The following DPH6 variants were observed in gnomAD, a reference collection of about 807,000 sequenced individuals.
DPH6 encodes the protein diphthine--ammonia ligase.
DPH6 carries 33 observed loss-of-function variants against 38.2 expected under a neutral mutation model. The ratio of observed to expected loss-of-function variants is 0.86; its 90% confidence interval spans 0.65 to 1.15. The LOEUF is 1.15. Ranked by LOEUF, DPH6 falls within the 50% of genes most tolerant of loss-of-function variation. DPH6 has a pLI of 0.00. For synonymous variants in DPH6, 108 were observed against 103.0 expected (o/e 1.05, Z -0.30); for missense variants, 325 against 320.0 (o/e 1.02, Z -0.12).
the DPH6 span, among the ~76,000 whole-genome samples, chr15:35,207,122 T>C: frequency 1.8e-3 from 264 of 144,668 alleles, no homozygotes; most frequent in Non-Finnish European, 3.3e-3. Flanking sequence ...TCATAGCTCA[T>C]TGCAGCTGTG....
chr15:35,316,392 T>C (rs190062180), intron 3 of DPH6, among the ~76,000 whole-genome samples: 3 of 152,282 alleles, frequency 2.0e-5, no homozygotes, highest in Admixed American at 2.0e-4. Flanking sequence ...GGATGAATAA[T>C]TTATAGATTC....
intron 3 of DPH6, among the ~76,000 whole-genome samples, chr15:35,308,885 G>T (rs1479665434): frequency 1.3e-5 from 2 of 152,172 alleles, no homozygotes; most frequent in Non-Finnish European, 2.9e-5. Context: ...AGTGAGAACG[G>T]ACATTCAAAG....
At chr15:35,327,728 C>A (rs942096907), downstream of DPH6, among the ~76,000 whole-genome samples, 12 of 152,184 alleles carry the variant, frequency 7.9e-5, 1 homozygote, top group Admixed American at 2.6e-4. Flanking sequence ...ACTTTGGTCT[C>A]TAACTTCTCT....
At chr15:35,390,233 C>T (rs1293968224) in intron 6 of DPH6, among the ~76,000 whole-genome samples, 3 of 152,190 alleles carry the variant, frequency 2.0e-5, no homozygotes, top group Non-Finnish European at 4.4e-5. Context: ...ATGGGCTTCC[C>T]TTTGTGGGTA....
At chr15:35,374,218 C>G (rs1277500043) in intron 7 of DPH6, among the ~76,000 whole-genome samples, 1 of 152,024 alleles carries the variant, frequency 6.6e-6, no homozygotes, top group East Asian at 1.9e-4. Context: ...CCCTGTAAAG[C>G]ACATTTGAAT....
At chr15:35,261,823 A>G (rs1365646927) in intron 3 of DPH6, among the ~76,000 whole-genome samples, 1 of 116,466 alleles carries the variant, frequency 8.6e-6, no homozygotes, top group East Asian at 2.7e-4. Flanking sequence ...ACAGAGCAAG[A>G]CCCTCTCTTA....
chr15:35,236,083 T>C (rs1246956469), intron 3 of DPH6, among the ~76,000 whole-genome samples: 2 of 152,242 alleles, frequency 1.3e-5, no homozygotes, highest in East Asian at 3.8e-4. Flanking sequence ...TTAAATTTTA[T>C]GTTCTTACTC....
At chr15:35,510,047 C>T (rs1195873005) in intron 3 of DPH6, among the ~76,000 whole-genome samples, 2 of 152,088 alleles carry the variant, frequency 1.3e-5, no homozygotes, top group Non-Finnish European at 2.9e-5. Context: ...ACGACCCTGT[C>T]TCTACAAAAA....
rs151192375 is a variant in DPH6, at chr15:35,373,602, T to C, written c.669A>G (p.Ser223=). 1.2e-5 allele frequency: 20 copies of C among 1,604,188 alleles called. No homozygotes were observed. The highest frequency in any genetic ancestry group is 2.7e-5 in the African/African-American group (2 of 74,386). Residue 223 remains serine, a synonymous_variant, in exon 8 of 9, where the codon TCA becomes TCG. Coordinates refer to ENST00000256538, the MANE Select transcript of DPH6 (RefSeq NM_080650.4). ...CAGCTGAATGTATGACTACTTCTGA[T>C]GAATCCCTGAAATACAAAAATTTTA... ...PLFKKKIIVD[S]SEVVIHSADA... is the part of the protein sequence containing the mutation.
In DPH6 at chr15:35,433,863, T is replaced by G. The variant is rs182904812; in HGVS notation, c.505+16822A>C. Among the ~76,000 whole-genome samples, 859 of 152,288 alleles carry G rather than the reference T, an allele frequency of 5.6e-3. 10 individuals carry two copies. The highest frequency in any genetic ancestry group is 0.019 in the African/African-American group (792 of 41,568). ...AAAAGCTCAACAGGCTACAATGATG[T>G]GCAGCCACAGTTGAAAACCATTGTT... On this transcript the variant is annotated intron_variant, in intron 5 of 8. Transcript: ENST00000256538.
At chr15:35,451,358 T>C (rs111269518) in intron 4 of DPH6, among the ~76,000 whole-genome samples, 2,598 of 152,260 alleles carry the variant, frequency 0.017, 82 homozygotes, top group African/African-American at 0.06. Context: ...GGTTTTGGAG[T>C]GAAGACACAT....
In DPH6 at chr15:35,492,432, T is replaced by C. The variant is rs74467055; in HGVS notation, c.313-37612A>G. On this transcript the variant is annotated intron_variant, in intron 3 of 8. Coordinates refer to ENST00000256538, the MANE Select transcript of DPH6 (RefSeq NM_080650.4). The stretch of plus-strand genomic sequence containing the variant: ...TTCAGCCATGAGAATATCTACCAGC[T>C]AACAAATGAAAACTATATATCATAT... 3.1e-3 allele frequency among the ~76,000 whole-genome samples: 473 copies of C among 152,286 alleles called. 3 individuals are homozygous for C. The East Asian group carries it at 0.035, about 11-fold the overall frequency.
intron 3 of DPH6, among the ~76,000 whole-genome samples, chr15:35,226,306 C>G (rs2051480797): frequency 6.6e-6 from 1 of 152,140 alleles, no homozygotes; most frequent in African/African-American, 2.4e-5. Context: ...GTTCTCCGAA[C>G]TGCTTTTCCC....
chr15:35,316,301 A>C (rs1015627800), intron 3 of DPH6, among the ~76,000 whole-genome samples: 2 of 152,220 alleles, frequency 1.3e-5, no homozygotes, highest in African/African-American at 4.8e-5. Context: ...CATGTACCCC[A>C]AAACTATGGA....
Position 35,237,839 on chromosome 15 carries a change from G to A in DPH6, n.201-17257C>T, listed in dbSNP as rs928713595. ...CGTGGAGGGCCTGGAGGAGGAGGAG[G>A]AGGATGAGGATGAGGAGGAGTATGA... On this transcript the variant is annotated intron_variant and non_coding_transcript_variant, in intron 3 of 3. Coordinates refer to the DPH6 transcript ENST00000560386. 42 of 1,532,522 alleles carry A rather than the reference G, an allele frequency of 2.7e-5. No homozygotes were observed. In the Middle Eastern group the frequency reaches 8.5e-4, roughly 31 times the overall value. 94.9% of individuals were successfully genotyped at this position (1,532,522 alleles called of 1,614,324 possible). A position where few individuals can be genotyped will look rare whatever the true frequency, so the allele number is the denominator to read the frequency against.
intron 3 of DPH6, among the ~76,000 whole-genome samples, chr15:35,317,377 A>G (rs914316947): frequency 1.1e-4 from 16 of 146,830 alleles, no homozygotes; most frequent in African/African-American, 3.8e-4. Context: ...AAAGAAAAGG[A>G]AAGAAAAAGA....
chr15:35,327,089 C>CA (rs1237845851), downstream of DPH6, among the ~76,000 whole-genome samples: 2 of 152,076 alleles, frequency 1.3e-5, no homozygotes, highest in Admixed American at 1.3e-4. Context: ...ACTACAAGTG[C>CA]AAAGGCCCTA....
intron 6 of DPH6, among the ~76,000 whole-genome samples, chr15:35,403,148 C>T (rs886550347): frequency 6.6e-5 from 10 of 151,956 alleles, no homozygotes; most frequent in African/African-American, 2.2e-4. Flanking sequence ...AAAACAAATT[C>T]TCAGGAAATA....
intron 3 of DPH6, among the ~76,000 whole-genome samples, chr15:35,509,991 G>C (rs1566935469): frequency 6.6e-6 from 1 of 152,158 alleles, no homozygotes. Flanking sequence ...CAAGGCAGGG[G>C]GACTGCTTGA....
Sources: gnomAD v4.1 joint callset for allele counts (sites outside exome capture counted in the v4.1 genomes callset) on GRCh38, gnomAD v4.1.1 for gene constraint, MANE v1.5 for transcripts, NCBI Gene and HGNC (gene_info 2026-07-23, HGNC 2026-07-21) for gene names.